Variants in MINDY2 observed in about 807,000 individuals in gnomAD.
The protein encoded by MINDY2 is MINDY lysine 48 deubiquitinase 2, also known as ubiquitin carboxyl-terminal hydrolase MINDY-2.
In MINDY2, 52 loss-of-function variants were observed where a neutral mutation model predicts 68.2. The observed-to-expected ratio is 0.76, with a 90% CI of 0.61 to 0.96. The LOEUF (loss-of-function observed/expected upper bound fraction) is 0.96, where lower values mean the gene tolerates loss of function less well. MINDY2 is among the 40% of genes least tolerant of loss of function. The probability of loss-of-function intolerance (pLI) is 0.00; values close to 1 mark genes in which losing one functional copy is unlikely to be tolerated. For missense variants in MINDY2, 881 were observed against 773.4 expected (o/e 1.14, Z -1.65); for synonymous variants, 372 against 303.0 (o/e 1.23, Z -2.36).
At position 58,796,318 on chromosome 15, in the gene MINDY2, A is replaced by G. The variant is rs77391075; in HGVS notation, c.899-5995A>G. ...GCTCAAGCTAGAGGTGGAAATATGTAAGGCATATTGAAGGAACAGTGTATG... is the reference window on the plus strand; with the variant it reads ...GCTCAAGCTAGAGGTGGAAATATGTGAGGCATATTGAAGGAACAGTGTATG... On this transcript the variant is annotated intron_variant, in intron 2 of 8. Coordinates refer to ENST00000559228, the MANE Select transcript of MINDY2 (RefSeq NM_001040450.3). 2.7e-4 allele frequency among the ~76,000 whole-genome samples: 41 copies of G among 152,316 alleles called. No individual in the cohort carries two copies. In the East Asian group the frequency reaches 7.9e-3, roughly 29 times the overall value.
chr15:58,811,521 C>T (rs567682916), intron 4 of MINDY2, among the ~76,000 whole-genome samples: 2 of 152,316 alleles, frequency 1.3e-5, no homozygotes, highest in African/African-American at 2.4e-5. Context: ...ATTGCCACTC[C>T]TAACTCTGAA....
At chr15:58,823,139 C>CTTT (rs74641422) in intron 5 of MINDY2, among the ~76,000 whole-genome samples, 2 of 132,058 alleles carry the variant, frequency 1.5e-5, no homozygotes, top group Non-Finnish European at 3.3e-5. Flanking sequence ...TTTTTTTTTT[C>CTTT]TTTTTTTTTT....
chr15:58,837,679 A>G (rs1284176583), intron 6 of MINDY2, among the ~76,000 whole-genome samples: 2 of 152,076 alleles, frequency 1.3e-5, no homozygotes, highest in Non-Finnish European at 2.9e-5. Flanking sequence ...TTATGCATTC[A>G]TATTTAATGA....
Position 58,851,870 on chromosome 15 carries a change from A to G in MINDY2, c.1642A>G (p.Lys548Glu). ...AATCAGTGATTTGGAACTAGCAAAG[A>G]AACTCCAAGAGGAAGAGGACAGACG... is the stretch of plus-strand genomic sequence containing the variant. ...EGISDLELAK[K>E]LQEEEDRRAS... is the part of the protein sequence containing the mutation. The change falls in exon 8 of 9, where the codon AAA becomes GAA. Residue 548 changes from lysine (K) to glutamate (E), a missense_variant. Physicochemically the swap from Lys to Glu is moderately conservative, Grantham distance 56 (BLOSUM62 1). Transcript: ENST00000559228. 1 of 1,613,680 alleles carries G rather than the reference A, an allele frequency of 6.2e-7. No individual in the cohort carries two copies. Among genetic ancestry groups the G allele is most frequent in the South Asian group, 1.1e-5 (1 of 91,050 alleles).
In MINDY2 at chr15:58,854,695, T is replaced by G; in HGVS notation, c.*85T>G. The stretch of plus-strand genomic sequence containing the variant: ...AAGGAAGAAAAACCGATCAATACCG[T>G]CTGTGCCTGATTTCCTAATGGATTT... On this transcript the variant is annotated 3_prime_UTR_variant, in exon 9 of 9. Transcript: ENST00000559228. 1 of 1,437,854 alleles carries G rather than the reference T, an allele frequency of 7.0e-7. No homozygotes were observed. The highest frequency in any genetic ancestry group is 9.2e-7 in the Non-Finnish European group (1 of 1,081,260). The allele number at this position is 1,437,854 out of a possible 1,614,324, so 89.1% of individuals were successfully genotyped here.
chr15:58,799,144 C>T (rs1048777757), intron 2 of MINDY2, among the ~76,000 whole-genome samples: 1 of 152,202 alleles, frequency 6.6e-6, no homozygotes, highest in African/African-American at 2.4e-5. Flanking sequence ...TCTGAAGGCT[C>T]TGCCTCACCA....
At chr15:58,809,711 T>A (rs2030086693) in intron 3 of MINDY2, among the ~76,000 whole-genome samples, 1 of 152,242 alleles carries the variant, frequency 6.6e-6, no homozygotes, top group African/African-American at 2.4e-5. Flanking sequence ...TACTTGACAT[T>A]GTTTTATATA....
intron 5 of MINDY2, among the ~76,000 whole-genome samples, chr15:58,822,391 A>G (rs927763722): frequency 6.6e-6 from 1 of 152,122 alleles, no homozygotes; most frequent in African/African-American, 2.4e-5. Context: ...TAACTTTGGT[A>G]TGGTCAGGTA....
intron 1 of MINDY2, among the ~76,000 whole-genome samples, chr15:58,781,722 G>T (rs1901156697): frequency 6.6e-6 from 1 of 152,062 alleles, no homozygotes; most frequent in East Asian, 1.9e-4. Flanking sequence ...GGCCAAGATG[G>T]TGAAACGCTG....
intron 6 of MINDY2, among the ~76,000 whole-genome samples, chr15:58,846,105 A>G (rs1295175334): frequency 2.0e-5 from 3 of 152,090 alleles, no homozygotes; most frequent in African/African-American, 7.2e-5. Flanking sequence ...AAAAAAAAAA[A>G]AAGAAAAAAC....
At chr15:58,824,447 ACC>A (rs2031260082) in intron 5 of MINDY2, among the ~76,000 whole-genome samples, 1 of 152,138 alleles carries the variant, frequency 6.6e-6, no homozygotes, top group African/African-American at 2.4e-5. Context: ...AATTCTACAT[ACC>A]ATATTTCCAT....
At chr15:58,799,479 T>A (rs1902499421) in intron 2 of MINDY2, among the ~76,000 whole-genome samples, 1 of 150,732 alleles carries the variant, frequency 6.6e-6, no homozygotes, top group Non-Finnish European at 1.5e-5. Flanking sequence ...AGGCTGAGGC[T>A]GAGGCAGGAG....
At chr15:58,802,434 T>A in intron 3 of MINDY2, 57 bp downstream of exon 3, 2 of 1,121,108 alleles carry the variant, frequency 1.8e-6, no homozygotes, top group Non-Finnish European at 2.5e-6. Context: ...TATACATTGG[T>A]TTCTATTAGT....
intron 6 of MINDY2, among the ~76,000 whole-genome samples, chr15:58,840,459 C>A (rs906036810): frequency 6.6e-6 from 1 of 151,810 alleles, no homozygotes; most frequent in Non-Finnish European, 1.5e-5. Flanking sequence ...CTCCATGAAC[C>A]CTTCATTAAA....
chr15:58,813,574 A>G (rs144162720), intron 4 of MINDY2, among the ~76,000 whole-genome samples: 18 of 152,212 alleles, frequency 1.2e-4, no homozygotes, highest in East Asian at 3.9e-4. Context: ...TTGGTGGGTT[A>G]TATCATAGTT....
chr15:58,794,358 G>GGTGTGTGTGGGT (rs1902139382), intron 2 of MINDY2, among the ~76,000 whole-genome samples: 1 of 139,112 alleles, frequency 7.2e-6, no homozygotes, highest in Non-Finnish European at 1.5e-5. Context: ...TTTTTTTTGG[G>GGTGTGTGTGGGT]GTGTGTGTGT....
At chr15:58,826,399 T>C (rs1300019137) in intron 5 of MINDY2, among the ~76,000 whole-genome samples, 1 of 151,988 alleles carries the variant, frequency 6.6e-6, no homozygotes, top group Non-Finnish European at 1.5e-5. Flanking sequence ...CTGGCTAATT[T>C]TGTATTTTTA....
rs1466978136 is a variant in MINDY2, at chr15:58,858,973, AATAAAGGGCATAGT to A, written c.*4368_*4381del. 1.3e-5 allele frequency: 2 copies of A among 152,272 alleles called. No homozygotes were observed. Among genetic ancestry groups the A allele is most frequent in the Non-Finnish European group, 2.9e-5 (2 of 67,964 alleles). 9.4% of individuals were successfully genotyped at this position (152,272 alleles called of 1,614,324 possible). ...TTTGATTAAGTGTTTTGCACTCCTG[AATAAAGGGCATAGT>A]ATAAGCACAAAGTATGACTTAATTT... is the stretch of plus-strand genomic sequence containing the variant. On this transcript the variant is annotated 3_prime_UTR_variant, in exon 9 of 9. Coordinates refer to ENST00000559228, the MANE Select transcript of MINDY2 (RefSeq NM_001040450.3).
At chr15:58,853,369 T>C (rs116522636) in intron 8 of MINDY2, among the ~76,000 whole-genome samples, 8,726 of 152,122 alleles carry the variant, frequency 0.057, 285 homozygotes, top group East Asian at 0.13. Context: ...AAAATAAGTA[T>C]AAAATTTCTA....
Sources: allele counts gnomAD v4.1 joint callset (sites outside exome capture counted in the v4.1 genomes callset), GRCh38; gene constraint gnomAD v4.1.1; transcripts MANE v1.5; gene names NCBI Gene and HGNC (gene_info 2026-07-23, HGNC 2026-07-21).